ASH2L: variants seen among roughly 807,000 people sequenced by gnomAD.
ASH2L encodes set1/Ash2 histone methyltransferase complex subunit ASH2.
A neutral mutation model predicts 81.1 loss-of-function variants in ASH2L; 30 were observed. The ratio of observed to expected loss-of-function variants is 0.37; its 90% CI spans 0.28 to 0.50. ASH2L has a LOEUF of 0.50. Among genes scored for constraint, ASH2L ranks in the 20% least tolerant of loss-of-function variants. The probability of loss-of-function intolerance (pLI) is 0.95; values close to 1 mark genes in which losing one functional copy is unlikely to be tolerated. For missense variants in ASH2L, 559 were observed against 792.1 expected (o/e 0.71, Z 3.53); for synonymous variants, 273 against 279.9 (o/e 0.98, Z 0.24).
Position 38,138,996 on chromosome 8 carries a change from G to A in ASH2L, c.1812G>A (p.Glu604=). Residue 604 remains glutamate (E), a synonymous_variant, in exon 16 of 16, where the codon GAG becomes GAA. Transcript: ENST00000343823. The stretch of plus-strand genomic sequence containing the variant: ...ACATGGGCTGGGGCGCCGTGGTAGA[G>A]CACACCCTGGCTGACGTCTTGTATC... ...MSDMGWGAVV[E]HTLADVLYHV... is the part of the protein sequence containing the mutation. 6.2e-7 allele frequency: 1 copy of A among 1,613,764 alleles called. No individual in the cohort carries two copies. The highest frequency in any genetic ancestry group is 1.1e-5 in the South Asian group (1 of 91,040).
intron 3 of ASH2L, 57 bp downstream of exon 3, chr8:38,107,223 C>T: frequency 6.3e-7 from 1 of 1,599,436 alleles, no homozygotes; most frequent in Non-Finnish European, 8.6e-7. Context: ...TCTGAACATG[C>T]TCAACAGTTA....
At chr8:38,133,429 C>CT in intron 12 of ASH2L, 25 bp from the exon 13 acceptor site, 1 of 1,558,856 alleles carries the variant, frequency 6.4e-7, no homozygotes, top group South Asian at 1.1e-5. Context: ...TTTATTGTGC[C>CT]TTTTTTTCTT....
Position 38,105,673 on chromosome 8 carries a change from TC to T in ASH2L, c.125del (p.Pro42LeufsTer29). 1 of 1,590,122 alleles carries T rather than the reference TC, an allele frequency of 6.3e-7. No individual in the cohort carries two copies. The highest frequency in any genetic ancestry group is 8.6e-7 in the Non-Finnish European group (1 of 1,169,516). On this transcript the variant is annotated frameshift_variant, in exon 1 of 16. Coordinates refer to ENST00000343823, the MANE Select transcript of ASH2L (RefSeq NM_004674.5). LOFTEE classifies it high-confidence loss of function. ...AGCCGGTGGCAGCGGGAGCAGCCGC[TC>T]CTCCTGGAGAGGGGATCTCTGCTGC... is the stretch of plus-strand genomic sequence containing the variant. ...MKPVAAGAAA[P>X]PGEGISAAPT... is the part of the protein sequence containing the mutation.
At chr8:38,135,924 G>T (rs1443819058) in intron 14 of ASH2L, among the ~76,000 whole-genome samples, 158 bp downstream of exon 14, 3 of 152,056 alleles carry the variant, frequency 2.0e-5, no homozygotes, top group Admixed American at 6.6e-5. Context: ...AACAGTTTGG[G>T]CATCTTAGGG....
chr8:38,118,718 C>T (rs572692500), intron 8 of ASH2L, among the ~76,000 whole-genome samples: 5 of 152,286 alleles, frequency 3.3e-5, no homozygotes, highest in Admixed American at 2.6e-4. Flanking sequence ...CTTCTGTTTC[C>T]GTTTTCCATG....
At chr8:38,136,512 C>T (rs1048121284) in intron 14 of ASH2L, among the ~76,000 whole-genome samples, 19 of 151,894 alleles carry the variant, frequency 1.3e-4, no homozygotes, top group East Asian at 7.7e-4. Context: ...CACTGGCTCA[C>T]GCTTGTAATC....
chr8:38,120,132 AAAAC>A (rs1811076229), intron 9 of ASH2L, among the ~76,000 whole-genome samples: 1 of 152,216 alleles, frequency 6.6e-6, no homozygotes, highest in Non-Finnish European at 1.5e-5. Context: ...TCAAAAAAAC[AAAAC>A]AAACCCAAGT....
intron 3 of ASH2L, among the ~76,000 whole-genome samples, chr8:38,108,873 A>G (rs1810565788): frequency 6.6e-6 from 1 of 152,192 alleles, no homozygotes; most frequent in Admixed American, 6.5e-5. Flanking sequence ...TGAGCCCAGG[A>G]CTTCGAGACT....
At chr8:38,115,423 G>A (rs1248017645) in intron 7 of ASH2L, among the ~76,000 whole-genome samples, 1 of 152,082 alleles carries the variant, frequency 6.6e-6, no homozygotes, top group Non-Finnish European at 1.5e-5. Context: ...GCTGTTTTTT[G>A]TTCAACAGCA....
rs1162782115 is a variant in ASH2L at position 38,139,187 on chromosome 8, T to C, written c.*116T>C. The C allele has an allele frequency of 1.2e-6, 1 of 854,392 alleles. No individual in the cohort carries two copies. Among genetic ancestry groups the C allele is most frequent in the Admixed American group, 3.0e-5 (1 of 33,262 alleles). 52.9% of individuals were successfully genotyped at this position (854,392 alleles called of 1,614,324 possible). On this transcript the variant is annotated 3_prime_UTR_variant, in exon 16 of 16. Transcript: ENST00000343823. ...ATGCTAAAAACACAGCCTCTCCTTT[T>C]AGCAAGTTAAAAGGCTGGGTAGGAC...
intron 13 of ASH2L, among the ~76,000 whole-genome samples, chr8:38,134,820 G>C (rs1247684116): frequency 6.6e-6 from 1 of 152,186 alleles, no homozygotes. Context: ...GCCCCCTCTT[G>C]TGGGAAGAGA....
At chr8:38,128,178 T>A in intron 10 of ASH2L, 113 bp from the exon 11 acceptor site, 7 of 1,267,160 alleles carry the variant, frequency 5.5e-6, no homozygotes, top group Non-Finnish European at 7.8e-6. Context: ...TTCAAACACC[T>A]GACCTGATAT....
intron 5 of ASH2L, among the ~76,000 whole-genome samples, chr8:38,113,629 A>G (rs1011185710): frequency 2.6e-5 from 4 of 152,220 alleles, no homozygotes; most frequent in Admixed American, 2.0e-4. Flanking sequence ...CTGAAATTTT[A>G]AAATTTATTT....
chr8:38,111,536 C>T (rs887194015), intron 5 of ASH2L, among the ~76,000 whole-genome samples: 1 of 149,292 alleles, frequency 6.7e-6, no homozygotes, highest in Non-Finnish European at 1.5e-5. Context: ...TACAGGTGCA[C>T]ACCACCACAC....
At position 38,111,237 on chromosome 8, in the gene ASH2L, GT is replaced by G. The variant is rs546522548; in HGVS notation, c.585+412del. Among the ~76,000 whole-genome samples, 4 of 151,450 alleles carry G rather than the reference GT, an allele frequency of 2.6e-5. No individual in the cohort carries two copies. The South Asian group carries it at 6.3e-4, about 24-fold the overall frequency. On this transcript the variant is annotated intron_variant, in intron 5 of 15. Transcript: ENST00000343823. ...TGAGCCACCGCACCTGGACTGTTGT[GT>G]TTTTTTTGAGAGAGGGTCTCTGTCA...
intron 12 of ASH2L, among the ~76,000 whole-genome samples, chr8:38,129,944 T>C (rs377219293): frequency 5.4e-4 from 83 of 152,350 alleles, no homozygotes; most frequent in African/African-American, 2.0e-3. Flanking sequence ...ACAGTCTTTT[T>C]GGATCATTGG....
chr8:38,124,510 C>G (rs958950388), intron 10 of ASH2L: 7 of 150,988 alleles, frequency 4.6e-5, no homozygotes, highest in African/African-American at 1.7e-4. Context: ...TGCATCTGGC[C>G]TCATTGTTTA....
In ASH2L at chr8:38,135,887, G is replaced by A. The variant is rs1221644491; in HGVS notation, c.1719+121G>A. The A allele has an allele frequency of 9.0e-5, 60 of 666,846 alleles. No homozygotes were observed. The Admixed American group carries it at 1.5e-3, about 16-fold the overall frequency. The allele number at this position is 666,846 out of a possible 1,614,324, so 41.3% of individuals were successfully genotyped here. On this transcript the variant is annotated intron_variant, in intron 14 of 15. Transcript: ENST00000343823. ...CAGCCTCAGAGTGGCATGCGCATGT[G>A]TTGTTACCATTACTGTTTAGTCCAG...
chr8:38,127,084 C>G (rs1368569118), intron 10 of ASH2L, among the ~76,000 whole-genome samples: 3 of 151,622 alleles, frequency 2.0e-5, no homozygotes, highest in Non-Finnish European at 4.4e-5. Context: ...ATTGTTTGAG[C>G]CCAGGAAATC....
Sources: gnomAD v4.1 joint callset for allele counts (sites outside exome capture counted in the v4.1 genomes callset) on GRCh38, gnomAD v4.1.1 for gene constraint, MANE v1.5 for transcripts, NCBI Gene and HGNC (gene_info 2026-07-23, HGNC 2026-07-21) for gene names.